NUGGC: variants seen among roughly 807,000 people sequenced by gnomAD.
NUGGC encodes the protein nuclear GTPase SLIP-GC.
NUGGC carries 58 observed loss-of-function variants against 92.6 expected under a neutral mutation model. The ratio of observed to expected loss-of-function variants is 0.63; its 90% CI spans 0.51 to 0.78. The LOEUF is 0.78. Ranked by LOEUF, NUGGC falls within the 30% of genes least tolerant of loss-of-function variation. The probability of loss-of-function intolerance (pLI) is 0.00; values close to 1 mark genes in which losing one functional copy is unlikely to be tolerated. For missense variants in NUGGC, 925 were observed against 964.6 expected (o/e 0.96, Z 0.54); for synonymous variants, 376 against 366.4 (o/e 1.03, Z -0.30).
intron 6 of NUGGC, among the ~76,000 whole-genome samples, chr8:28,067,184 C>T (rs1212190195): frequency 6.6e-6 from 1 of 152,160 alleles, no homozygotes; most frequent in Non-Finnish European, 1.5e-5. Context: ...AAACCTCTTA[C>T]ATGAGAAAAG....
At chr8:28,048,158 G>T (rs1035897372) in intron 10 of NUGGC, among the ~76,000 whole-genome samples, 2 of 152,152 alleles carry the variant, frequency 1.3e-5, no homozygotes, top group Non-Finnish European at 2.9e-5. Context: ...AATAATTCCA[G>T]CTGACATGTG....
At position 28,033,697 on chromosome 8, in the gene NUGGC, T is replaced by C. The variant is rs757000938; in HGVS notation, c.1612A>G (p.Arg538Gly). Residue 538 changes from arginine to glycine, a missense_variant and splice_region_variant, in exon 14 of 19, where the codon AGG becomes GGG. By Grantham distance (125) the Arg-to-Gly change is moderately radical. Transcript: ENST00000413272. ...YRCILRACLV[R>G]SKGNQGFHQT... ...TGAAAACCTTGGTTTCCTTTACTCC[T>C]CTAGACAATCAACAATAAATTAGCA... 7 of 1,613,468 alleles carry C rather than the reference T, an allele frequency of 4.3e-6. No individual in the cohort carries two copies. In the African/African-American group the frequency reaches 9.3e-5, roughly 22 times the overall value.
chr8:28,070,728 T>A (rs1469349099), intron 2 of NUGGC, among the ~76,000 whole-genome samples: 3 of 151,192 alleles, frequency 2.0e-5, no homozygotes, highest in Non-Finnish European at 2.9e-5. Context: ...CTAGAGTACC[T>A]GGGACTACAG....
chr8:28,035,569 A>C (rs1328181391), intron 13 of NUGGC, among the ~76,000 whole-genome samples: 1 of 152,088 alleles, frequency 6.6e-6, no homozygotes, highest in Admixed American at 6.5e-5. Flanking sequence ...TCAGTACACA[A>C]AGGCGTCCCC....
chr8:28,081,916 G>A (rs1810860742), intron 1 of NUGGC, among the ~76,000 whole-genome samples: 1 of 149,212 alleles, frequency 6.7e-6, no homozygotes, highest in Non-Finnish European at 1.5e-5. Context: ...GTTTTTTCTT[G>A]CTCTCACAAG....
chr8:28,027,268 G>A (rs1426381322), intron 17 of NUGGC, among the ~76,000 whole-genome samples: 2 of 152,200 alleles, frequency 1.3e-5, no homozygotes, highest in Admixed American at 1.3e-4. Flanking sequence ...GCTCCCATCT[G>A]TACAGCATCT....
At chr8:28,070,415 C>T (rs1045289270) in intron 2 of NUGGC, 59 bp from the exon 3 acceptor site, 3 of 880,844 alleles carry the variant, frequency 3.4e-6, no homozygotes, top group South Asian at 1.5e-5. Context: ...ATTCTTGCCT[C>T]ACCTCTATCA....
intron 10 of NUGGC, among the ~76,000 whole-genome samples, chr8:28,054,899 A>G (rs1007573948): frequency 1.3e-5 from 2 of 151,916 alleles, no homozygotes; most frequent in African/African-American, 2.4e-5. Context: ...TAATAATAAT[A>G]AAATTGGCCA....
chr8:28,070,001 C>T, intron 3 of NUGGC: 1 of 635,218 alleles, frequency 1.6e-6, no homozygotes, highest in Non-Finnish European at 2.0e-6. Context: ...GAAGCACCAA[C>T]CTCATCATTT....
chr8:28,042,787 C>A (rs546686130), intron 12 of NUGGC, among the ~76,000 whole-genome samples: 1 of 152,156 alleles, frequency 6.6e-6, no homozygotes, highest in Non-Finnish European at 1.5e-5. Context: ...AGAGAAACTG[C>A]GAGATAATTT....
chr8:28,028,536 G>C (rs1275368946), intron 17 of NUGGC, among the ~76,000 whole-genome samples: 1 of 152,166 alleles, frequency 6.6e-6, no homozygotes, highest in Admixed American at 6.5e-5. Context: ...CAGCCAGCCT[G>C]GGTTGAGGCA....
chr8:28,074,376 G>A lies in NUGGC; in HGVS notation c.35C>T (p.Pro12Leu), dbSNP rs74881103. Residue 12 changes from proline to leucine, a missense_variant, in exon 2 of 19, where the codon CCG (proline) becomes CTG (leucine). By Grantham distance (98) the Pro-to-Leu change is moderately conservative (BLOSUM62 -3). Coordinates refer to ENST00000413272, the MANE Select transcript of NUGGC (RefSeq NM_001010906.2). ...TACTGCAAAGATGTTACCTGGATGC[G>A]GTTCCTGGCCAAAAACATCCTTCGT... Reference protein sequence around the residue: ...AETKDVFGQEPHPVEDDLYKE... With the variant: ...AETKDVFGQELHPVEDDLYKE... 1.6e-3 allele frequency: 2,519 copies of A among 1,611,956 alleles called. 31 individuals carry two copies. In the African/African-American group the frequency reaches 0.03, roughly 19 times the overall value.
chr8:28,049,643 T>C (rs189569823), intron 10 of NUGGC, among the ~76,000 whole-genome samples: 46 of 152,376 alleles, frequency 3.0e-4, no homozygotes. Flanking sequence ...GGATCCAAGA[T>C]GTTAGTAGAT....
In NUGGC at chr8:28,026,953, C is replaced by A. The variant is rs768278091; in HGVS notation, c.2245+9G>T. 9 of 1,591,640 alleles carry A rather than the reference C, an allele frequency of 5.7e-6. No homozygotes were observed. The highest frequency in any genetic ancestry group is 2.2e-5 in the East Asian group (1 of 44,776). Reference sequence around the variant, plus strand: ...AATCACCCTGTATACAAAGCTTTGGCGTATTTACCTGCAAGCTCCTTGTAG... The same window carrying A: ...AATCACCCTGTATACAAAGCTTTGGAGTATTTACCTGCAAGCTCCTTGTAG... On this transcript the variant is annotated intron_variant, in intron 18 of 18. Transcript: ENST00000413272.
In NUGGC at chr8:28,082,461, T is replaced by C. The variant is rs1419497455; in HGVS notation, c.-47+1314A>G. Among the ~76,000 whole-genome samples, 3 of 152,358 alleles carry C rather than the reference T, an allele frequency of 2.0e-5. No homozygotes were observed. The East Asian group carries it at 5.8e-4, about 29-fold the overall frequency. Reference sequence around the variant, plus strand: ...CACTTCCCTCCTTATCAGGAATTCATACACCTGCCAGCAATTTCTGCAATA... The same window carrying C: ...CACTTCCCTCCTTATCAGGAATTCACACACCTGCCAGCAATTTCTGCAATA... On this transcript the variant is annotated intron_variant, in intron 1 of 18. Coordinates refer to ENST00000413272, the MANE Select transcript of NUGGC (RefSeq NM_001010906.2).
chr8:28,056,517 A>G (rs993285972), intron 9 of NUGGC, among the ~76,000 whole-genome samples: 1 of 151,988 alleles, frequency 6.6e-6, no homozygotes, highest in African/African-American at 2.4e-5. Context: ...CTTGGACTAC[A>G]TGGGTTTGAA....
At chr8:28,068,684 A>C (rs768503270) in intron 4 of NUGGC, among the ~76,000 whole-genome samples, 1 of 152,174 alleles carries the variant, frequency 6.6e-6, no homozygotes, top group South Asian at 2.1e-4. Flanking sequence ...TAATGTCTAT[A>C]TAGATGTGAG....
At chr8:28,040,660 T>G (rs1018964822) in intron 13 of NUGGC, among the ~76,000 whole-genome samples, 47 of 151,998 alleles carry the variant, frequency 3.1e-4, no homozygotes, top group Admixed American at 2.6e-3. Flanking sequence ...TCTTGTTTTT[T>G]TTTTTGAGAT....
intron 1 of NUGGC, among the ~76,000 whole-genome samples, chr8:28,079,932 TTTTGTTTG>T (rs10689963): frequency 2.7e-5 from 4 of 150,830 alleles, no homozygotes; most frequent in African/African-American, 4.9e-5. Flanking sequence ...TTCTTTGTTT[TTTTGTTTG>T]TTTGTTTGTT....
Sources: gnomAD v4.1 joint callset for allele counts (sites outside exome capture counted in the v4.1 genomes callset) on GRCh38, gnomAD v4.1.1 for gene constraint, MANE v1.5 for transcripts, NCBI Gene and HGNC (gene_info 2026-07-23, HGNC 2026-07-21) for gene names.